The following ITGA2 variants were observed in gnomAD, a reference collection of about 807,000 sequenced individuals.
ITGA2 encodes integrin subunit alpha 2, also known as integrin alpha-2.
A neutral mutation model predicts 146.3 loss-of-function variants in ITGA2; 101 were observed. The observed-to-expected ratio is 0.69, with a 90% CI of 0.59 to 0.81. The LOEUF is 0.81. Among genes scored for constraint, ITGA2 ranks in the 40% least tolerant of loss-of-function variants. The pLI, the probability that ITGA2 is intolerant of heterozygous loss-of-function variation, is 0.00. For missense variants in ITGA2, 1,281 were observed against 1,402.7 expected, an observed-to-expected ratio of 0.91 and a Z score of 1.39; for synonymous variants, 477 against 487.1, an observed-to-expected ratio of 0.98 and a Z score of 0.27.
At chr5:53,064,501 T>C (rs1165173782) in intron 13 of ITGA2, among the ~76,000 whole-genome samples, 3 of 152,074 alleles carry the variant, frequency 2.0e-5, no homozygotes, top group South Asian at 4.1e-4. Flanking sequence ...AGTTTGGTCA[T>C]CGATTGCTCT....
intron 7 of ITGA2, among the ~76,000 whole-genome samples, chr5:53,055,165 T>C (rs1161404666): frequency 6.6e-6 from 1 of 152,072 alleles, no homozygotes; most frequent in Non-Finnish European, 1.5e-5. Flanking sequence ...AAAATAAGTA[T>C]TGATAAAGTA....
intron 2 of ITGA2, among the ~76,000 whole-genome samples, chr5:53,029,265 C>T (rs1743108971): frequency 6.6e-6 from 1 of 152,060 alleles, no homozygotes; most frequent in South Asian, 2.1e-4. Context: ...GAGTGAGACT[C>T]CATCTCAAAA....
chr5:53,071,878 G>A (rs1745414451), intron 17 of ITGA2, 60 bp from the exon 18 acceptor site: 10 of 1,191,448 alleles, frequency 8.4e-6, no homozygotes, highest in African/African-American at 1.5e-5. Context: ...TTTTAATGTT[G>A]CTATGCTCTA....
At chr5:53,034,563 T>A (rs1194517181) in intron 2 of ITGA2, among the ~76,000 whole-genome samples, 1 of 152,216 alleles carries the variant, frequency 6.6e-6, no homozygotes, top group Non-Finnish European at 1.5e-5. Context: ...GAGAGATATG[T>A]TGCTCCAGAA....
At position 53,068,375 on chromosome 5, in the gene ITGA2, C is replaced by T. The variant is rs577798304; in HGVS notation, c.2083+1118C>T. Among the ~76,000 whole-genome samples, 20 of 151,954 alleles carry T rather than the reference C, an allele frequency of 1.3e-4. No individual in the cohort carries two copies. In the South Asian group the frequency reaches 3.5e-3, roughly 27 times the overall value. On this transcript the variant is annotated intron_variant, in intron 16 of 29. Coordinates refer to ENST00000296585, the MANE Select transcript of ITGA2 (RefSeq NM_002203.4). ...CACACATGATAGTTAAGTCAAAAAC[C>T]GTTGCTGCATAAACATTGTGGCTAG... is the stretch of plus-strand genomic sequence containing the variant.
intron 9 of ITGA2, among the ~76,000 whole-genome samples, chr5:53,057,665 A>G (rs574435082): frequency 1.3e-5 from 2 of 152,100 alleles, no homozygotes; most frequent in African/African-American, 4.8e-5. Context: ...GCTAGTAATG[A>G]TCAAGTTTTT....
rs2111962121 is a variant in ITGA2, at chr5:53,060,902, T to G, written c.1314T>G (p.Gly438=). 6.2e-7 allele frequency: 1 copy of G among 1,612,276 alleles called. No individual in the cohort carries two copies. The part of the protein sequence containing the change: ...LQDRNHSSYL[G]YSVAAISTGE... The stretch of plus-strand genomic sequence containing the variant: ...ACTCTGTTGCTCCTTCCCTTTTAGG[T>G]TACTCTGTGGCTGCAATTTCTACTG... The change falls in exon 12 of 30, where the codon GGT becomes GGG. Residue 438 remains glycine, a splice_region_variant and synonymous_variant. Coordinates refer to ENST00000296585, the MANE Select transcript of ITGA2 (RefSeq NM_002203.4).
intron 1 of ITGA2, among the ~76,000 whole-genome samples, chr5:52,992,702 C>A (rs1257657351): frequency 6.6e-6 from 1 of 152,102 alleles, no homozygotes; most frequent in Non-Finnish European, 1.5e-5. Context: ...CTCTCCAACC[C>A]ATTCTCTTCA....
At chr5:53,021,430 G>C (rs1416734059) in intron 1 of ITGA2, among the ~76,000 whole-genome samples, 1 of 152,164 alleles carries the variant, frequency 6.6e-6, no homozygotes, top group South Asian at 2.1e-4. Context: ...TACACACACA[G>C]AGAGCCTAAG....
Position 53,061,038 on chromosome 5 carries a change from G to C in ITGA2, c.1450G>C (p.Gly484Arg). The change falls in exon 12 of 30, where the codon GGT (glycine) becomes CGT (arginine). Residue 484 changes from glycine to arginine, a missense_variant. Around this residue, in one of 3 missense-constraint regions of ITGA2, gnomAD observed 795 missense variants for 841.7 expected, o/e 0.94. Transcript: ENST00000296585. ...TATCACGGTTATTCAGGCTCACCGAGGTGACCAGGTAAATCTCACTGTTTA... is the reference window on the plus strand; with the variant it reads ...TATCACGGTTATTCAGGCTCACCGACGTGACCAGGTAAATCTCACTGTTTA... ...GNITVIQAHR[G>R]DQIGSYFGSV... The C allele has an allele frequency of 6.2e-6, 10 of 1,612,044 alleles. No homozygotes were observed. The highest frequency in any genetic ancestry group is 8.5e-6 in the Non-Finnish European group (10 of 1,178,668).
intron 3 of ITGA2, among the ~76,000 whole-genome samples, chr5:53,044,656 A>G (rs1217377408): frequency 6.6e-6 from 1 of 152,220 alleles, no homozygotes; most frequent in African/African-American, 2.4e-5. Context: ...GGCATTAGAT[A>G]GAGCTACTGT....
chr5:53,016,629 C>T (rs534679419), intron 1 of ITGA2, among the ~76,000 whole-genome samples: 4 of 152,244 alleles, frequency 2.6e-5, no homozygotes, highest in East Asian at 1.9e-4. Context: ...TAAATGTTGG[C>T]GTCTGCAATG....
intron 2 of ITGA2, among the ~76,000 whole-genome samples, chr5:53,030,547 A>G (rs1579822909): frequency 6.6e-6 from 1 of 152,210 alleles, no homozygotes; most frequent in East Asian, 1.9e-4. Flanking sequence ...TGGAATTCAG[A>G]AGCAGGAAGG....
At chr5:53,073,005 C>A in intron 19 of ITGA2, 113 bp from the exon 20 acceptor site, 1 of 1,048,786 alleles carries the variant, frequency 9.5e-7, no homozygotes, top group Non-Finnish European at 1.4e-6. Flanking sequence ...GCAATTTTCT[C>A]AGTATTCTAA....
chr5:53,034,468 G>A (rs1269017580), intron 2 of ITGA2, among the ~76,000 whole-genome samples: 10 of 151,754 alleles, frequency 6.6e-5, no homozygotes, highest in South Asian at 4.2e-4. Flanking sequence ...TTGCTTCTTC[G>A]TTCCTTCACT....
At chr5:53,050,112 T>C (rs3797487) in intron 6 of ITGA2, among the ~76,000 whole-genome samples, 1 of 152,298 alleles carries the variant, frequency 6.6e-6, no homozygotes, top group East Asian at 1.9e-4. Flanking sequence ...TTTTCATATG[T>C]ATCTCCTTAT....
chr5:53,058,853 C>T (rs1000974589), intron 10 of ITGA2, among the ~76,000 whole-genome samples: 2 of 151,832 alleles, frequency 1.3e-5, no homozygotes, highest in East Asian at 3.9e-4. Context: ...ATGGATCTTT[C>T]CCTCAGAAAA....
At chr5:53,037,801 C>A (rs1316451628) in intron 2 of ITGA2, among the ~76,000 whole-genome samples, 1 of 152,040 alleles carries the variant, frequency 6.6e-6, no homozygotes, top group Non-Finnish European at 1.5e-5. Context: ...ATGAGGAAAC[C>A]CTTGTTCTTC....
intron 1 of ITGA2, among the ~76,000 whole-genome samples, chr5:53,019,262 C>T (rs1742551866): frequency 6.6e-6 from 1 of 152,036 alleles, no homozygotes; most frequent in Non-Finnish European, 1.5e-5. Context: ...AATTTTTTAT[C>T]TTGAGCAAAA....
Sources: gnomAD v4.1 joint callset for allele counts (sites outside exome capture counted in the v4.1 genomes callset) on GRCh38, gnomAD v4.1.1 for gene constraint, gnomAD v4.1.1 regional missense constraint, MANE v1.5 for transcripts, NCBI Gene and HGNC (gene_info 2026-07-23, HGNC 2026-07-21) for gene names.